ESF1: variants seen among roughly 807,000 people sequenced by gnomAD.
ESF1 encodes ESF1 homolog.
ESF1 carries 58 observed loss-of-function variants against 92.0 expected under a neutral mutation model. The observed-to-expected ratio is 0.63, with a 90% CI of 0.51 to 0.78. The LOEUF (loss-of-function observed/expected upper bound fraction) is 0.78. ESF1 is among the 30% of genes least tolerant of loss of function. The probability of loss-of-function intolerance (pLI) is 0.00; values close to 1 mark genes in which losing one functional copy is unlikely to be tolerated. For synonymous variants in ESF1, 321 were observed against 313.7 expected, an observed-to-expected ratio of 1.02 and a Z score of -0.24; for missense variants, 922 against 989.1, an observed-to-expected ratio of 0.93 and a Z score of 0.91.
intron 1 of ESF1, 150 bp downstream of exon 1, chr20:13,784,730 A>T: frequency 3.0e-6 from 1 of 329,108 alleles, no homozygotes; most frequent in Non-Finnish European, 5.8e-6. Flanking sequence ...CTGAAGAATG[A>T]GACCGAAAAA....
intron 9 of ESF1, among the ~76,000 whole-genome samples, chr20:13,748,533 CATATATATGTGTGTGTATATATAT>C (rs542848581): frequency 0.11 from 12,903 of 121,732 alleles, 1,241 homozygotes; most frequent in East Asian, 0.49. Context: ...TATATATACA[CATATATATGTGTGTGTATATATAT>C]ATATATATGT....
At chr20:13,735,496 T>C (rs1224733938) in intron 9 of ESF1, among the ~76,000 whole-genome samples, 1 of 152,018 alleles carries the variant, frequency 6.6e-6, no homozygotes, top group African/African-American at 2.4e-5. Flanking sequence ...AGATCTCTGA[T>C]TCAACAGATA....
At chr20:13,750,008 T>A (rs372518192) in intron 9 of ESF1, among the ~76,000 whole-genome samples, 1 of 152,294 alleles carries the variant, frequency 6.6e-6, no homozygotes, top group Admixed American at 6.5e-5. Flanking sequence ...GTTAAAGCCA[T>A]AGGAGTTTTT....
At chr20:13,723,964 G>A (rs1427722233) in intron 11 of ESF1, among the ~76,000 whole-genome samples, 1 of 152,190 alleles carries the variant, frequency 6.6e-6, no homozygotes, top group Non-Finnish European at 1.5e-5. Context: ...ATATACCAAT[G>A]TAGGTCATCT....
chr20:13,757,749 G>A (rs923763661), intron 9 of ESF1, among the ~76,000 whole-genome samples: 4 of 152,276 alleles, frequency 2.6e-5, no homozygotes, highest in Admixed American at 2.0e-4. Context: ...GGTCCACTTA[G>A]TGTGGGAACC....
At chr20:13,723,990 T>A (rs2049884768) in intron 11 of ESF1, among the ~76,000 whole-genome samples, 1 of 152,252 alleles carries the variant, frequency 6.6e-6, no homozygotes, top group Non-Finnish European at 1.5e-5. Context: ...ATTTTATTTC[T>A]ACATTTTAAA....
At chr20:13,754,551 A>G (rs563361978) in intron 9 of ESF1, among the ~76,000 whole-genome samples, 2 of 152,288 alleles carry the variant, frequency 1.3e-5, no homozygotes, top group African/African-American at 2.4e-5. Flanking sequence ...TTAGGTATCA[A>G]TGGGCATCTT....
chr20:13,736,027 C>T (rs1751766449), intron 9 of ESF1, among the ~76,000 whole-genome samples: 1 of 152,088 alleles, frequency 6.6e-6, no homozygotes, highest in African/African-American at 2.4e-5. Context: ...GATCCAAGAG[C>T]TTAAGGTAAA....
chr20:13,734,386 A>C (rs889571604), intron 9 of ESF1, among the ~76,000 whole-genome samples: 3 of 152,196 alleles, frequency 2.0e-5, no homozygotes, highest in East Asian at 1.9e-4. Flanking sequence ...AGGATTCTCA[A>C]TCTTTTCTCA....
chr20:13,735,421 T>C (rs906123971), intron 9 of ESF1, among the ~76,000 whole-genome samples: 1 of 152,244 alleles, frequency 6.6e-6, no homozygotes, highest in Non-Finnish European at 1.5e-5. Context: ...ATGTTTCTTA[T>C]GAGAAAAACA....
intron 6 of ESF1, among the ~76,000 whole-genome samples, chr20:13,770,538 G>C (rs1281382461): frequency 6.6e-6 from 1 of 152,168 alleles, no homozygotes; most frequent in Non-Finnish European, 1.5e-5. Context: ...TGTAGAGACA[G>C]GGTCTCACTA....
At chr20:13,734,181 G>C (rs923225177) in intron 9 of ESF1, among the ~76,000 whole-genome samples, 1 of 152,126 alleles carries the variant, frequency 6.6e-6, no homozygotes, top group African/African-American at 2.4e-5. Context: ...GTTTTGAGAT[G>C]CTAAGAAAAC....
At chr20:13,783,579 C>T (rs563649934) in intron 1 of ESF1, among the ~76,000 whole-genome samples, 75 of 152,256 alleles carry the variant, frequency 4.9e-4, no homozygotes, top group African/African-American at 1.6e-3. Context: ...CCAGCACTTT[C>T]GGAGGCCAAG....
chr20:13,779,899 T>C (rs1490459539), intron 2 of ESF1, among the ~76,000 whole-genome samples: 2 of 152,190 alleles, frequency 1.3e-5, no homozygotes, highest in Non-Finnish European at 2.9e-5. Flanking sequence ...CAATTATTTA[T>C]GTAAAATAGA....
chr20:13,750,731 C>A (rs951849818), intron 9 of ESF1, among the ~76,000 whole-genome samples: 1 of 152,178 alleles, frequency 6.6e-6, no homozygotes, highest in Non-Finnish European at 1.5e-5. Flanking sequence ...GCAATTCCAG[C>A]GCTTTGGGAG....
chr20:13,752,966 C>A (rs924251629), intron 9 of ESF1, among the ~76,000 whole-genome samples: 1 of 152,112 alleles, frequency 6.6e-6, no homozygotes, highest in Non-Finnish European at 1.5e-5. Flanking sequence ...CAGTAAGGGG[C>A]ACCTCTAGTT....
At chr20:13,766,681 G>A in intron 8 of ESF1, 96 bp downstream of exon 8, 2 of 1,192,774 alleles carry the variant, frequency 1.7e-6, no homozygotes, top group Non-Finnish European at 2.4e-6. Context: ...ATAATACTGT[G>A]CATGTGAGCA....
intron 5 of ESF1, 128 bp from the exon 6 acceptor site, chr20:13,771,611 C>CA: frequency 1.4e-6 from 1 of 691,178 alleles, no homozygotes; most frequent in East Asian, 2.7e-5. Context: ...ATCTTTCCTT[C>CA]ATGACTTTGC....
intron 8 of ESF1, among the ~76,000 whole-genome samples, chr20:13,761,334 C>A (rs1465057652): frequency 6.6e-6 from 1 of 150,724 alleles, no homozygotes; most frequent in Non-Finnish European, 1.5e-5. Context: ...GTCCTATGAC[C>A]CTGCCAAATC....
Sources: gnomAD v4.1 joint callset for allele counts (sites outside exome capture counted in the v4.1 genomes callset) on GRCh38, gnomAD v4.1.1 for gene constraint, MANE v1.5 for transcripts, NCBI Gene and HGNC (gene_info 2026-07-23, HGNC 2026-07-21) for gene names.